The following GALK2 variants were observed in gnomAD, a reference collection of about 807,000 sequenced individuals.
The protein encoded by GALK2 is galactokinase 2.
Under a neutral mutation model 52.4 loss-of-function variants are expected in GALK2, and 36 were observed. The observed-to-expected ratio is 0.69, with a 90% CI of 0.53 to 0.91. The LOEUF (loss-of-function observed/expected upper bound fraction) is 0.91. GALK2 is among the 40% of genes least tolerant of loss of function. The pLI, the probability that GALK2 is intolerant of heterozygous loss-of-function variation, is 0.00. For synonymous variants in GALK2, 176 were observed against 199.1 expected, an observed-to-expected ratio of 0.88 and a Z score of 0.98; for missense variants, 579 against 559.1, an observed-to-expected ratio of 1.04 and a Z score of -0.36.
upstream of GALK2, among the ~76,000 whole-genome samples, chr15:49,166,871 A>G (rs1471835608): frequency 6.6e-6 from 1 of 152,250 alleles, no homozygotes; most frequent in African/African-American, 2.4e-5. Context: ...AAAATAGGAA[A>G]TATTTTCCAG....
Position 49,190,554 on chromosome 15 carries a change from A to C in GALK2, c.54-10608A>C, listed in dbSNP as rs538973698. ...ATGATGATATTTGTCAAAAGACAAA[A>C]GCACAACAAATTTAGTTTTGTTAAA... On this transcript the variant is annotated intron_variant, in intron 1 of 9. Transcript: ENST00000560031. 5.6e-4 allele frequency among the ~76,000 whole-genome samples: 86 copies of C among 152,368 alleles called. 1 individual carries two copies. The highest frequency in any genetic ancestry group is 2.0e-3 in the African/African-American group (85 of 41,586).
At chr15:49,175,505 T>G (rs540458488) in intron 1 of GALK2, among the ~76,000 whole-genome samples, 41 of 152,304 alleles carry the variant, frequency 2.7e-4, no homozygotes, top group East Asian at 1.9e-3. Flanking sequence ...CTTAAGTTTC[T>G]CAGATCACAA....
At chr15:49,261,454 A>G (rs1474998020) in intron 5 of GALK2, among the ~76,000 whole-genome samples, 2 of 151,832 alleles carry the variant, frequency 1.3e-5, no homozygotes, top group Non-Finnish European at 1.5e-5. Flanking sequence ...TTATCAGCTT[A>G]AGGAGATTTT....
chr15:49,286,035 C>A (rs935259302), intron 7 of GALK2, among the ~76,000 whole-genome samples: 1 of 152,166 alleles, frequency 6.6e-6, no homozygotes, highest in African/African-American at 2.4e-5. Flanking sequence ...TCCTTCAGCC[C>A]TCTTTGAAGT....
At chr15:49,200,500 A>T (rs1222815394) in intron 1 of GALK2, among the ~76,000 whole-genome samples, 1 of 152,224 alleles carries the variant, frequency 6.6e-6, no homozygotes, top group Non-Finnish European at 1.5e-5. Flanking sequence ...ATCCAATATG[A>T]CTGGTGTCCT....
At chr15:49,241,068 C>T (rs898590808) in intron 5 of GALK2, among the ~76,000 whole-genome samples, 7 of 151,862 alleles carry the variant, frequency 4.6e-5, no homozygotes, top group East Asian at 1.9e-4. Context: ...AAGATTATAT[C>T]GGTGTCTGGC....
At chr15:49,345,291 G>A (rs956349819) in intron 3 of GALK2, among the ~76,000 whole-genome samples, 5 of 152,000 alleles carry the variant, frequency 3.3e-5, no homozygotes, top group African/African-American at 1.2e-4. Flanking sequence ...GTAGACATAC[G>A]TTCCTCATAA....
intron 5 of GALK2, among the ~76,000 whole-genome samples, chr15:49,245,189 C>T (rs2091286925): frequency 6.6e-6 from 1 of 151,934 alleles, no homozygotes; most frequent in African/African-American, 2.4e-5. Context: ...CCTCACTTAT[C>T]ATAATAGGAA....
chr15:49,295,811 A>G (rs1339708697), intron 8 of GALK2, among the ~76,000 whole-genome samples: 1 of 152,214 alleles, frequency 6.6e-6, no homozygotes, highest in African/African-American at 2.4e-5. Flanking sequence ...TAAAAGCTTA[A>G]TATAATTCTT....
chr15:49,162,229 G>A (rs899078005), intron 1 of GALK2, among the ~76,000 whole-genome samples: 2 of 152,054 alleles, frequency 1.3e-5, no homozygotes, highest in Non-Finnish European at 2.9e-5. Context: ...TATATAAATG[G>A]AATCATGCAA....
chr15:49,341,902 G>A (rs747257844), intron 3 of GALK2, among the ~76,000 whole-genome samples: 2 of 152,160 alleles, frequency 1.3e-5, no homozygotes, highest in Non-Finnish European at 2.9e-5. Context: ...GAGTATGGTT[G>A]ATAAGAGTTT....
At chr15:49,297,647 G>A (rs1213123834) in intron 8 of GALK2, among the ~76,000 whole-genome samples, 1 of 152,102 alleles carries the variant, frequency 6.6e-6, no homozygotes, top group Non-Finnish European at 1.5e-5. Flanking sequence ...TTCTGTGTAT[G>A]AATAGCCACC....
At chr15:49,183,871 T>A (rs1052952445) in intron 1 of GALK2, among the ~76,000 whole-genome samples, 1 of 151,044 alleles carries the variant, frequency 6.6e-6, no homozygotes, top group Non-Finnish European at 1.5e-5. Context: ...AAAGGACTAG[T>A]TTTGTGGCCT....
chr15:49,292,405 C>G lies in GALK2; in HGVS notation c.835C>G (p.Leu279Val), dbSNP rs1429164121. ...GGTGCAGGCTAAACTAGGGATTAGTCTAGAAGAAATGCTGTTGGTCACAGA... is the reference window on the plus strand; with the variant it reads ...GGTGCAGGCTAAACTAGGGATTAGTGTAGAAGAAATGCTGTTGGTCACAGA... ...EEVQAKLGIS[L>V]EEMLLVTEDA... The change falls in exon 8 of 10, where the codon CTA becomes GTA. Residue 279 changes from leucine (L) to valine (V), a missense_variant. Leu to Val is a conservative substitution (Grantham distance 32). Coordinates refer to ENST00000560031, the MANE Select transcript of GALK2 (RefSeq NM_002044.4). The G allele has an allele frequency of 1.2e-6, 2 of 1,613,782 alleles. No homozygotes were observed. Among genetic ancestry groups the G allele is most frequent in the Non-Finnish European group, 8.5e-7 (1 of 1,179,878 alleles).
chr15:49,287,828 T>C (rs1202236824), intron 7 of GALK2, among the ~76,000 whole-genome samples: 1 of 152,192 alleles, frequency 6.6e-6, no homozygotes, highest in Non-Finnish European at 1.5e-5. Flanking sequence ...AATGAGTACC[T>C]TTTTTTAATC....
At chr15:49,322,697 C>T (rs1367898611) in intron 9 of GALK2, among the ~76,000 whole-genome samples, 2 of 152,188 alleles carry the variant, frequency 1.3e-5, no homozygotes, top group African/African-American at 4.8e-5. Flanking sequence ...ATTGCTCACA[C>T]CTGTAATCCC....
intron 5 of GALK2, among the ~76,000 whole-genome samples, chr15:49,265,478 C>T (rs1168681595): frequency 1.3e-5 from 2 of 152,234 alleles, no homozygotes; most frequent in Non-Finnish European, 2.9e-5. Flanking sequence ...GTCTGTCACC[C>T]CTTTCTTTGA....
chr15:49,247,120 GAGAA>G (rs2091390174), intron 5 of GALK2, among the ~76,000 whole-genome samples: 1 of 152,154 alleles, frequency 6.6e-6, no homozygotes, highest in Admixed American at 6.6e-5. Context: ...GTGAGCAGCT[GAGAA>G]AGAGTGTCAG....
chr15:49,157,483 G>A (rs1365087898), intron 1 of GALK2, among the ~76,000 whole-genome samples: 1 of 152,222 alleles, frequency 6.6e-6, no homozygotes, highest in African/African-American at 2.4e-5. Flanking sequence ...AAAGTAATTA[G>A]TGGTGTTTAC....
Sources: gnomAD v4.1 joint callset for allele counts (sites outside exome capture counted in the v4.1 genomes callset) on GRCh38, gnomAD v4.1.1 for gene constraint, MANE v1.5 for transcripts, NCBI Gene and HGNC (gene_info 2026-07-23, HGNC 2026-07-21) for gene names.